HERC2: variants seen among roughly 807,000 people sequenced by gnomAD.
HERC2 encodes the protein E3 ubiquitin-protein ligase HERC2.
In HERC2, 102 loss-of-function variants were observed where a neutral mutation model predicts 537.7. The ratio of observed to expected loss-of-function variants is 0.19; its 90% CI spans 0.16 to 0.22. The LOEUF is 0.22. Among genes scored for constraint, HERC2 ranks in the 10% least tolerant of loss-of-function variants. HERC2 has a pLI of 1.00. For missense variants in HERC2, 4,236 were observed against 6,198.2 expected, an observed-to-expected ratio of 0.68 and a Z score of 10.63; for synonymous variants, 2,224 against 2,466.2, an observed-to-expected ratio of 0.90 and a Z score of 2.91.
chr15:28,191,322 A>C, intron 53 of HERC2, 78 bp from the exon 54 acceptor site: 1 of 866,592 alleles, frequency 1.2e-6, no homozygotes, highest in South Asian at 1.5e-5. Context: ...GTATCGTTGA[A>C]GCTTGAATCT....
chr15:28,177,131 C>A lies in HERC2; in HGVS notation c.9255-4G>T, dbSNP rs751462136. The A allele has an allele frequency of 6.2e-7, 1 of 1,608,106 alleles. No homozygotes were observed. The highest frequency in any genetic ancestry group is 8.5e-7 in the Non-Finnish European group (1 of 1,175,896). ...CAGCCTTGGTTTGTCACAGTTCCTA[C>A]AACAAGATGAAATCAGCTCTCTACA... On this transcript the variant is annotated splice_polypyrimidine_tract_variant and splice_region_variant and intron_variant, in intron 60 of 92. Coordinates refer to ENST00000261609, the MANE Select transcript of HERC2 (RefSeq NM_004667.6). This position sits in a 1 kb window ranked among gnomAD's most constrained non-coding sequence, Gnocchi z 5.0.
chr15:28,260,724 C>G, intron 16 of HERC2, 53 bp downstream of exon 16: 1 of 1,517,394 alleles, frequency 6.6e-7, no homozygotes, highest in South Asian at 1.2e-5. Flanking sequence ...TGGTAATGAA[C>G]AACTGGAAAC....
intron 12 of HERC2, among the ~76,000 whole-genome samples, chr15:28,266,682 G>T (rs1035097215): frequency 3.3e-5 from 5 of 152,152 alleles, no homozygotes; most frequent in African/African-American, 1.2e-4. Flanking sequence ...ACCATACACT[G>T]TATGGCTTTG....
intron 43 of HERC2, among the ~76,000 whole-genome samples, chr15:28,211,978 T>A (rs1043361101): frequency 2.6e-4 from 39 of 152,196 alleles, no homozygotes; most frequent in Admixed American, 2.4e-3. Flanking sequence ...AGCCGCATTC[T>A]ACAACCGAAG....
chr15:28,241,989 TA>T (rs1386422453), intron 23 of HERC2, among the ~76,000 whole-genome samples: 2 of 152,316 alleles, frequency 1.3e-5, no homozygotes, highest in East Asian at 3.9e-4. Flanking sequence ...GATTTCACCT[TA>T]AAATGTAAGG....
At chr15:28,250,416 C>A (rs1302274036) in intron 20 of HERC2, among the ~76,000 whole-genome samples, 1 of 152,190 alleles carries the variant, frequency 6.6e-6, no homozygotes. Flanking sequence ...GTATGCTACA[C>A]CTGAAGGAGC....
rs1161658450 is a variant in HERC2 at position 28,216,564 on chromosome 15, C to G, written c.6029-762G>C. 2.7e-5 allele frequency among the ~76,000 whole-genome samples: 4 copies of G among 149,264 alleles called. No individual in the cohort carries two copies. In the East Asian group the frequency reaches 6.0e-4, roughly 22 times the overall value. On this transcript the variant is annotated intron_variant, in intron 38 of 92. Coordinates refer to ENST00000261609, the MANE Select transcript of HERC2 (RefSeq NM_004667.6). ...TCCCTCCCACCTCCCCCACCCTGCC[C>G]TCAGCTATCCAAGCTTATGAGGACA...
At chr15:28,183,384 A>AT (rs11316923) in intron 56 of HERC2, among the ~76,000 whole-genome samples, 24 of 150,850 alleles carry the variant, frequency 1.6e-4, no homozygotes, top group East Asian at 5.8e-4. Flanking sequence ...TAATTTTTGC[A>AT]TTTTTTTTTG....
intron 16 of HERC2, 140 bp downstream of exon 16, chr15:28,260,637 A>G: frequency 6.0e-6 from 4 of 661,546 alleles, no homozygotes; most frequent in South Asian, 2.0e-5. Flanking sequence ...ACTACAGTGA[A>G]GCTCATAATA....
At position 28,141,537 on chromosome 15, in the gene HERC2, G is replaced by C; in HGVS notation, c.11910C>G (p.Gly3970=). The change falls in exon 78 of 93, where the codon GGC becomes GGG. Residue 3970 remains glycine (G), a synonymous_variant. Transcript: ENST00000261609. ...NHRGQLGGIE[G]AKVKVPTPCE... The stretch of plus-strand genomic sequence containing the variant: ...AGGGAGTGGGAACTTTGACTTTTGC[G>C]CCTTCAATGCCCCCGAGCTGGCCCC... The C allele has an allele frequency of 1.9e-6, 3 of 1,614,076 alleles. No homozygotes were observed. Among genetic ancestry groups the C allele is most frequent in the Non-Finnish European group, 2.5e-6 (3 of 1,180,008 alleles).
intron 2 of HERC2, among the ~76,000 whole-genome samples, chr15:28,316,466 C>T (rs2077088913): frequency 6.6e-6 from 1 of 151,948 alleles, no homozygotes; most frequent in Non-Finnish European, 1.5e-5. Flanking sequence ...AAAGAAAGAC[C>T]CTGCCTCTAC....
chr15:28,318,504 C>T (rs561133927), intron 2 of HERC2, among the ~76,000 whole-genome samples: 42 of 152,114 alleles, frequency 2.8e-4, no homozygotes, highest in Non-Finnish European at 4.6e-4. Flanking sequence ...GGTGGACACC[C>T]GTAGTCCCAG....
In HERC2 at chr15:28,216,880, C is replaced by A. The variant is rs577905884; in HGVS notation, c.6029-1078G>T. ...ATACAAAAACTCACATATGCACTCA[C>A]ACTCCTCAACACTAGTAACGACCGA... On this transcript the variant is annotated intron_variant, in intron 38 of 92. Transcript: ENST00000261609. 1.0e-4 allele frequency among the ~76,000 whole-genome samples: 15 copies of A among 146,264 alleles called. No individual in the cohort carries two copies. The East Asian group carries it at 2.9e-3, about 28-fold the overall frequency.
At chr15:28,217,347 A>C (rs928467428) in intron 38 of HERC2, among the ~76,000 whole-genome samples, 2 of 151,402 alleles carry the variant, frequency 1.3e-5, no homozygotes, top group African/African-American at 4.8e-5. Context: ...ACACCCACAC[A>C]ACCACATGCT....
intron 35 of HERC2, 55 bp from the exon 36 acceptor site, chr15:28,222,270 T>TA (rs1206100587): frequency 1.2e-6 from 1 of 837,420 alleles, no homozygotes; most frequent in Non-Finnish European, 2.0e-6. Flanking sequence ...AGTGTCCCCT[T>TA]AATACACACA....
chr15:28,185,871 A>G (rs767486824), intron 56 of HERC2, among the ~76,000 whole-genome samples: 1 of 152,166 alleles, frequency 6.6e-6, no homozygotes, highest in Non-Finnish European at 1.5e-5. Context: ...TTTATTTTGC[A>G]TGTTCATCAC....
intron 85 of HERC2, among the ~76,000 whole-genome samples, chr15:28,121,808 C>A (rs1021855959): frequency 1.3e-5 from 2 of 152,232 alleles, no homozygotes; most frequent in Non-Finnish European, 2.9e-5. Context: ...CAAGCCCACC[C>A]GTGGCAGGGA....
intron 5 of HERC2, among the ~76,000 whole-genome samples, chr15:28,277,714 T>C (rs940372015): frequency 2.0e-5 from 3 of 152,142 alleles, no homozygotes; most frequent in Non-Finnish European, 4.4e-5. Flanking sequence ...CACAGCCGGT[T>C]AGGAAGGAAG....
At chr15:28,211,409 G>A (rs1899214668) in intron 43 of HERC2, among the ~76,000 whole-genome samples, 1 of 151,580 alleles carries the variant, frequency 6.6e-6, no homozygotes, top group Admixed American at 6.6e-5. Flanking sequence ...GGTTTAACAC[G>A]GTTAGAACCA....
Sources: gnomAD v4.1 joint callset for allele counts (sites outside exome capture counted in the v4.1 genomes callset) on GRCh38, gnomAD v4.1.1 for gene constraint, Gnocchi (gnomAD v3.1) non-coding constraint, MANE v1.5 for transcripts, NCBI Gene and HGNC (gene_info 2026-07-23, HGNC 2026-07-21) for gene names.